Variants in NRG2 observed in about 807,000 individuals in gnomAD.
The protein encoded by NRG2 is pro-neuregulin-2, membrane-bound isoform.
Under a neutral mutation model 73.9 loss-of-function variants are expected in NRG2, and 27 were observed. The ratio of observed to expected loss-of-function variants is 0.37; its 90% CI spans 0.27 to 0.50. The LOEUF is 0.50. NRG2 is among the 20% of genes least tolerant of loss of function. NRG2 has a pLI of 0.96. For synonymous variants in NRG2, 532 were observed against 541.0 expected, an observed-to-expected ratio of 0.98 and a Z score of 0.23; for missense variants, 1,126 against 1,210.1, an observed-to-expected ratio of 0.93 and a Z score of 1.03.
chr5:139,941,559 A>T (rs1438195914), intron 1 of NRG2, among the ~76,000 whole-genome samples: 4 of 152,192 alleles, frequency 2.6e-5, no homozygotes, highest in Admixed American at 2.6e-4. Flanking sequence ...ATCCATAAGC[A>T]TATGATTTTA....
chr5:139,880,823 C>T (rs1450023462), intron 3 of NRG2, 33 bp downstream of exon 3: 3 of 1,591,002 alleles, frequency 1.9e-6, no homozygotes, highest in Non-Finnish European at 2.6e-6. Flanking sequence ...CCAAACCCCT[C>T]TAGGACCCTT....
At chr5:140,038,238 T>C (rs186229691) in intron 1 of NRG2, among the ~76,000 whole-genome samples, 59 of 152,284 alleles carry the variant, frequency 3.9e-4, no homozygotes, top group African/African-American at 1.4e-3. Context: ...GAGAGGAAGT[T>C]AGTCACCTAG....
In NRG2 at chr5:139,904,349, C is replaced by T. The variant is rs777682955; in HGVS notation, c.701-16838G>A. On this transcript the variant is annotated intron_variant, in intron 1 of 9. Coordinates refer to ENST00000361474, the MANE Select transcript of NRG2 (RefSeq NM_004883.3). The surrounding 1 kb of genome is among the most constrained non-coding windows in gnomAD (Gnocchi z 6.0). ...GGCTCCCTCTCCCGCTTCCTCCCCT[C>T]TGGGTGCTTCTTGCCGCGGCCGCGG... is the stretch of plus-strand genomic sequence containing the variant. The T allele has an allele frequency of 6.3e-7, 1 of 1,593,456 alleles. No individual in the cohort carries two copies. Among genetic ancestry groups the T allele is most frequent in the South Asian group, 1.1e-5 (1 of 90,138 alleles).
Position 139,870,243 on chromosome 5 carries a change from C to T in NRG2, c.1112+1478G>A, listed in dbSNP as rs879695909. 2.6e-5 allele frequency among the ~76,000 whole-genome samples: 4 copies of T among 151,914 alleles called. No individual in the cohort carries two copies. Among genetic ancestry groups the T allele is most frequent in the South Asian group, 2.1e-4 (1 of 4,800 alleles). On this transcript the variant is annotated intron_variant, in intron 4 of 9. Transcript: ENST00000361474. The surrounding 1 kb of genome is among the most constrained non-coding windows in gnomAD (Gnocchi z 4.4). ...ATGGCAGCCTCCTAGAGGCAGGAGG[C>T]GGGGAAGGATGAGGGGCTGAGTTTG...
At chr5:140,015,722 G>T (rs948202113) in intron 1 of NRG2, among the ~76,000 whole-genome samples, 1 of 152,326 alleles carries the variant, frequency 6.6e-6, no homozygotes, top group African/African-American at 2.4e-5. Context: ...AATGGAGGAA[G>T]GGATGCCTCA....
intron 1 of NRG2, among the ~76,000 whole-genome samples, chr5:140,041,746 C>T (rs1189233328): frequency 6.6e-6 from 1 of 150,684 alleles, no homozygotes; most frequent in East Asian, 1.9e-4. Context: ...GACAGGCAAT[C>T]ACGATGAAGA....
intron 1 of NRG2, among the ~76,000 whole-genome samples, chr5:139,994,850 G>A (rs1451670226): frequency 6.6e-6 from 1 of 152,130 alleles, no homozygotes; most frequent in East Asian, 1.9e-4. Flanking sequence ...GTATGCAGAA[G>A]CCAGCCTGTA....
intron 1 of NRG2, among the ~76,000 whole-genome samples, chr5:139,970,974 C>T (rs905651939): frequency 6.6e-6 from 1 of 151,988 alleles, no homozygotes; most frequent in African/African-American, 2.4e-5. Flanking sequence ...TCCCCTTGAG[C>T]TTTGAAAGTT....
chr5:139,890,499 G>A (rs1401859111), intron 1 of NRG2, among the ~76,000 whole-genome samples: 1 of 125,882 alleles, frequency 7.9e-6, no homozygotes, highest in Non-Finnish European at 1.6e-5. Context: ...TTGGCACCCA[G>A]AGATTCTATG....
intron 1 of NRG2, among the ~76,000 whole-genome samples, chr5:139,961,885 A>G (rs1039562936): frequency 6.6e-6 from 1 of 152,204 alleles, no homozygotes; most frequent in African/African-American, 2.4e-5. Flanking sequence ...GCTTGGGGAC[A>G]TGCAAACTCA....
At chr5:139,937,665 C>T (rs1348721963) in intron 1 of NRG2, among the ~76,000 whole-genome samples, 2 of 152,028 alleles carry the variant, frequency 1.3e-5, no homozygotes, top group East Asian at 1.9e-4. Flanking sequence ...ACAGTGATTA[C>T]CCAGGGCATA....
chr5:139,893,741 T>A (rs1018755388), intron 1 of NRG2, among the ~76,000 whole-genome samples: 4 of 152,108 alleles, frequency 2.6e-5, no homozygotes, highest in Non-Finnish European at 5.9e-5. Context: ...TTCACTGGAG[T>A]TGAGGTGTGG....
chr5:139,940,814 C>T (rs999777360), intron 1 of NRG2, among the ~76,000 whole-genome samples: 3 of 151,978 alleles, frequency 2.0e-5, no homozygotes, highest in African/African-American at 7.3e-5. Context: ...TTCCATCATG[C>T]ATTCTTGGAT....
intron 9 of NRG2, among the ~76,000 whole-genome samples, chr5:139,849,768 C>T (rs1441568127): frequency 6.6e-6 from 1 of 152,222 alleles, no homozygotes; most frequent in Non-Finnish European, 1.5e-5. Flanking sequence ...AAGTCCTACC[C>T]ATTCCCTTCT....
In NRG2 at chr5:139,894,153, C is replaced by T. The variant is rs1261971763; in HGVS notation, c.701-6642G>A. ...CTCAGATCTGAGAGCAAGACAGACG[C>T]TCAGGACATGGCTGGGCAACCCAGC... is the stretch of plus-strand genomic sequence containing the variant. On this transcript the variant is annotated intron_variant, in intron 1 of 9. Coordinates refer to ENST00000361474, the MANE Select transcript of NRG2 (RefSeq NM_004883.3). The surrounding 1 kb of genome is among the most constrained non-coding windows in gnomAD (Gnocchi z 5.0). Among the ~76,000 whole-genome samples, 1 of 152,218 alleles carries T rather than the reference C, an allele frequency of 6.6e-6. No homozygotes were observed. Among genetic ancestry groups the T allele is most frequent in the Non-Finnish European group, 1.5e-5 (1 of 68,024 alleles).
rs1487561258 is a variant in NRG2 at position 139,848,518 on chromosome 5, G to T, written c.1952C>A (p.Pro651Gln). 3.6e-6 allele frequency: 5 copies of T among 1,396,298 alleles called. No individual in the cohort carries two copies. Among genetic ancestry groups the T allele is most frequent in the Admixed American group, 3.4e-5 (1 of 29,132 alleles). 86.5% of individuals were successfully genotyped at this position (1,396,298 alleles called of 1,614,324 possible). A position where few individuals can be genotyped will look rare whatever the true frequency, so the allele number is the denominator to read the frequency against. ...LAEQQPLLRH[P>Q]APPGPGPGPG... ...TCCGGGTCCCGGGCCGGGGGGCGCC[G>T]GGTGCCGCAGTAACGGCTGCTGCTC... The change falls in exon 10 of 10, where the codon CCG becomes CAG. Residue 651 changes from proline to glutamine, a missense_variant. Coordinates refer to ENST00000361474, the MANE Select transcript of NRG2 (RefSeq NM_004883.3).
At chr5:139,897,684 G>C (rs1415141704) in intron 1 of NRG2, among the ~76,000 whole-genome samples, 1 of 152,170 alleles carries the variant, frequency 6.6e-6, no homozygotes, top group Non-Finnish European at 1.5e-5. Context: ...GAGCAGCCCA[G>C]ATCAAGACTG....
At chr5:139,864,949 C>G (rs1050204824) in intron 5 of NRG2, 10 of 710,712 alleles carry the variant, frequency 1.4e-5, no homozygotes, top group African/African-American at 1.0e-4. Context: ...CCAGGAGGTA[C>G]AGCCCACATG....
At chr5:139,927,672 G>A (rs1401102859) in intron 1 of NRG2, among the ~76,000 whole-genome samples, 1 of 151,160 alleles carries the variant, frequency 6.6e-6, no homozygotes, top group Non-Finnish European at 1.5e-5. Flanking sequence ...GCTGAGGCAG[G>A]AGAATCACTT....
Sources: gnomAD v4.1 joint callset for allele counts (sites outside exome capture counted in the v4.1 genomes callset) on GRCh38, gnomAD v4.1.1 for gene constraint, Gnocchi (gnomAD v3.1) non-coding constraint, MANE v1.5 for transcripts, NCBI Gene and HGNC (gene_info 2026-07-23, HGNC 2026-07-21) for gene names.